The following AKAP6 variants were observed in gnomAD, a reference collection of about 807,000 sequenced individuals.
AKAP6 encodes A-kinase anchor protein 6.
AKAP6 carries 58 observed loss-of-function variants against 188.5 expected under a neutral mutation model. That is an observed-to-expected ratio of 0.31 (90% confidence interval 0.25 to 0.38). The LOEUF is 0.38. Among genes scored for constraint, AKAP6 ranks in the 10% least tolerant of loss-of-function variants. AKAP6 has a pLI of 1.00. For synonymous variants in AKAP6, 989 were observed against 998.6 expected, an observed-to-expected ratio of 0.99 and a Z score of 0.18; for missense variants, 2,710 against 2,740.0, an observed-to-expected ratio of 0.99 and a Z score of 0.24.
intron 5 of AKAP6, among the ~76,000 whole-genome samples, chr14:32,580,934 T>G (rs1884938086): frequency 6.6e-6 from 1 of 152,216 alleles, no homozygotes; most frequent in Non-Finnish European, 1.5e-5. Flanking sequence ...TGCCACATTT[T>G]CTTAATCCAG....
chr14:32,509,342 G>T (rs1030750504), intron 2 of AKAP6, among the ~76,000 whole-genome samples: 1 of 151,790 alleles, frequency 6.6e-6, no homozygotes, highest in Non-Finnish European at 1.5e-5. Flanking sequence ...TGTCCAGGCT[G>T]GTCTTAAACT....
At chr14:32,394,542 A>G (rs996090690) in intron 1 of AKAP6, among the ~76,000 whole-genome samples, 4 of 152,128 alleles carry the variant, frequency 2.6e-5, no homozygotes, top group Admixed American at 6.5e-5. Context: ...CCAAAGAACA[A>G]TCAAGGTTAC....
intron 1 of AKAP6, among the ~76,000 whole-genome samples, chr14:32,432,848 A>G (rs1890264434): frequency 6.6e-6 from 1 of 152,226 alleles, no homozygotes; most frequent in Admixed American, 6.5e-5. Context: ...CAGAGCAGCA[A>G]TCAGACCTGG....
chr14:32,721,683 G>T (rs867761366), intron 9 of AKAP6, among the ~76,000 whole-genome samples: 45 of 152,212 alleles, frequency 3.0e-4, no homozygotes, highest in Middle Eastern at 6.8e-3. Context: ...CTCCATTGTT[G>T]TTCTCTCAGG....
At chr14:32,784,245 C>G (rs996118922) in intron 12 of AKAP6, among the ~76,000 whole-genome samples, 1 of 152,152 alleles carries the variant, frequency 6.6e-6, no homozygotes, top group African/African-American at 2.4e-5. Flanking sequence ...TAAGCATTTC[C>G]TATAAGTCCA....
chr14:32,785,388 TAA>T (rs1234747061), intron 12 of AKAP6, among the ~76,000 whole-genome samples: 5 of 152,180 alleles, frequency 3.3e-5, no homozygotes, highest in African/African-American at 9.6e-5. Flanking sequence ...GAATAATTAT[TAA>T]GTTACAGTTT....
chr14:32,392,097 A>G (rs187162802), intron 1 of AKAP6, among the ~76,000 whole-genome samples: 1 of 152,364 alleles, frequency 6.6e-6, no homozygotes, highest in African/African-American at 2.4e-5. Context: ...ACTATCACAC[A>G]TGAATAATAT....
intron 1 of AKAP6, among the ~76,000 whole-genome samples, chr14:32,354,546 C>T (rs1887415376): frequency 6.6e-6 from 1 of 152,226 alleles, no homozygotes; most frequent in Non-Finnish European, 1.5e-5. Context: ...AAATTCAACC[C>T]ATCTTCCAGG....
chr14:32,751,635 C>A (rs2032144620), intron 11 of AKAP6, among the ~76,000 whole-genome samples: 2 of 151,400 alleles, frequency 1.3e-5, no homozygotes, highest in African/African-American at 4.8e-5. Context: ...TTTGGAAGTC[C>A]TGCTCTGCGC....
intron 1 of AKAP6, among the ~76,000 whole-genome samples, chr14:32,405,490 T>C (rs769372374): frequency 1.3e-5 from 2 of 152,234 alleles, no homozygotes; most frequent in African/African-American, 2.4e-5. Flanking sequence ...AAATATTTCA[T>C]GTATAATCTC....
Position 32,836,177 on chromosome 14 carries a change from C to G in AKAP6, c.*6372C>G, listed in dbSNP as rs1296593162. On this transcript the variant is annotated 3_prime_UTR_variant, in exon 14 of 14. Transcript: ENST00000280979. ...TACGTGTAAGACTGTCTTAGTCTGC[C>G]CAGACTGCTTGGACTGTGTTGTTTA... 1 of 152,156 alleles carries G rather than the reference C, an allele frequency of 6.6e-6. No individual in the cohort carries two copies. Among genetic ancestry groups the G allele is most frequent in the African/African-American group, 2.4e-5 (1 of 41,418 alleles). The allele number at this position is 152,156 out of a possible 1,614,324, so 9.4% of individuals were successfully genotyped here. A position where few individuals can be genotyped will look rare whatever the true frequency, so the allele number is the denominator to read the frequency against.
chr14:32,475,694 T>C (rs927809225), intron 2 of AKAP6, among the ~76,000 whole-genome samples: 12 of 151,234 alleles, frequency 7.9e-5, no homozygotes, highest in Non-Finnish European at 1.5e-4. Flanking sequence ...TTTTTTTTTT[T>C]TTGAGACGGA....
At chr14:32,800,682 A>G (rs538294089) in intron 12 of AKAP6, among the ~76,000 whole-genome samples, 10 of 141,962 alleles carry the variant, frequency 7.0e-5, no homozygotes, top group African/African-American at 2.4e-4. Flanking sequence ...CTTTTTCTTC[A>G]TCTCCTTACT....
chr14:32,540,131 G>GCGCTCTCT (rs1306141242), intron 3 of AKAP6, among the ~76,000 whole-genome samples: 11 of 66,480 alleles, frequency 1.7e-4, no homozygotes, highest in African/African-American at 9.5e-4. Flanking sequence ...TTGCTCGTGC[G>GCGCTCTCT]CTCTCTCTCT....
At chr14:32,377,914 G>A (rs1888210787) in intron 1 of AKAP6, among the ~76,000 whole-genome samples, 1 of 152,050 alleles carries the variant, frequency 6.6e-6, no homozygotes, top group Non-Finnish European at 1.5e-5. Flanking sequence ...ATTTGAATTT[G>A]CATATGTTAA....
Position 32,546,475 on chromosome 14 carries a change from G to T in AKAP6, c.1822G>T (p.Ala608Ser). 1 of 1,614,146 alleles carries T rather than the reference G, an allele frequency of 6.2e-7. No individual in the cohort carries two copies. Among genetic ancestry groups the T allele is most frequent in the Non-Finnish European group, 8.5e-7 (1 of 1,180,028 alleles). The change falls in exon 4 of 14, where the codon GCC (alanine) becomes TCC (serine). Residue 608 changes from alanine to serine, a missense_variant. Ala to Ser is a moderately conservative substitution (Grantham distance 99, BLOSUM62 1). Around this residue, in one of 2 missense-constraint regions of AKAP6, gnomAD observed 2,473 missense variants for 2,426.1 expected, o/e 1.02. Coordinates refer to ENST00000280979, the MANE Select transcript of AKAP6 (RefSeq NM_004274.5). The stretch of plus-strand genomic sequence containing the variant: ...AAAACACAAAAGCAAAAAAGGTCAA[G>T]CCTCCTCTCCAAGTCACGTCACTAG... ...LSKHKSKKGQASSPSHVTRNG... is the reference protein window; with the variant it reads ...LSKHKSKKGQSSSPSHVTRNG...
intron 1 of AKAP6, among the ~76,000 whole-genome samples, chr14:32,376,547 T>C (rs575264215): frequency 3.9e-5 from 6 of 152,310 alleles, no homozygotes; most frequent in Admixed American, 2.6e-4. Context: ...ACAAAATGGA[T>C]AAAACACAGA....
At chr14:32,646,066 A>G (rs1180502038) in intron 7 of AKAP6, among the ~76,000 whole-genome samples, 2 of 151,964 alleles carry the variant, frequency 1.3e-5, no homozygotes, top group African/African-American at 2.4e-5. Context: ...CTGCAGGCCA[A>G]CTCTTCTGGT....
intron 2 of AKAP6, among the ~76,000 whole-genome samples, chr14:32,440,758 GA>G (rs1354437959): frequency 2.6e-5 from 4 of 152,166 alleles, no homozygotes; most frequent in Non-Finnish European, 5.9e-5. Context: ...CCAAATCTCT[GA>G]AAATTGGAAG....
Sources: gnomAD v4.1 joint callset for allele counts (sites outside exome capture counted in the v4.1 genomes callset) on GRCh38, gnomAD v4.1.1 for gene constraint, gnomAD v4.1.1 regional missense constraint, MANE v1.5 for transcripts, NCBI Gene and HGNC (gene_info 2026-07-23, HGNC 2026-07-21) for gene names.